The following FBF1 variants were observed in gnomAD, a reference collection of about 807,000 sequenced individuals.
The protein encoded by FBF1 is fas-binding factor 1.
In FBF1, 119 loss-of-function variants were observed where a neutral mutation model predicts 147.2. The observed-to-expected ratio is 0.81, with a 90% CI of 0.70 to 0.94. FBF1 has a LOEUF of 0.94. FBF1 is among the 40% of genes least tolerant of loss of function. FBF1 has a pLI of 0.00. For synonymous variants in FBF1, 601 were observed against 609.0 expected (o/e 0.99, Z 0.19); for missense variants, 1,449 against 1,500.8 (o/e 0.97, Z 0.57).
rs780483273 is a variant in FBF1, at chr17:75,914,822, C to G, written c.2739G>C (p.Glu913Asp). 4 of 1,599,898 alleles carry G rather than the reference C, an allele frequency of 2.5e-6. No individual in the cohort carries two copies. The highest frequency in any genetic ancestry group is 2.3e-5 in the East Asian group (1 of 44,246). Residue 913 changes from glutamate (E) to aspartate (D), a missense_variant, in exon 25 of 30, where the codon GAG becomes GAC. Coordinates refer to ENST00000636174, the MANE Select transcript of FBF1 (RefSeq NM_001319193.2). ...EFSAQQKLSK[E>D]RAEREAERAL... ...CCCGCTCGGCCTCGCGCTCGGCCCGCTCCTTACTCAGCTTTTGCTGCGCGG... is the reference window on the plus strand; with the variant it reads ...CCCGCTCGGCCTCGCGCTCGGCCCGGTCCTTACTCAGCTTTTGCTGCGCGG...
chr17:75,910,119 G>T lies in FBF1; in HGVS notation c.*604C>A, dbSNP rs1264945558. Reference sequence around the variant, plus strand: ...TCACCCAAACTGGTTGGTCCTTCGGGCAATGCTGGGAATAGGGTGGGGGCT... The same window carrying T: ...TCACCCAAACTGGTTGGTCCTTCGGTCAATGCTGGGAATAGGGTGGGGGCT... On this transcript the variant is annotated 3_prime_UTR_variant, in exon 30 of 30. Transcript: ENST00000636174. This position sits in a 1 kb window ranked among gnomAD's most constrained non-coding sequence, Gnocchi z 4.1. 1.9e-4 allele frequency: 94 copies of T among 507,952 alleles called. No individual in the cohort carries two copies. The highest frequency in any genetic ancestry group is 9.5e-5 in the East Asian group (2 of 21,086). 31.5% of individuals were successfully genotyped at this position (507,952 alleles called of 1,614,324 possible). A position where few individuals can be genotyped will look rare whatever the true frequency, so the allele number is the denominator to read the frequency against.
Position 75,926,052 on chromosome 17 carries a change from G to C in FBF1, c.846C>G (p.Asp282Glu). 6.2e-7 allele frequency: 1 copy of C among 1,611,970 alleles called. No homozygotes were observed. Among genetic ancestry groups the C allele is most frequent in the Non-Finnish European group, 8.5e-7 (1 of 1,179,716 alleles). Residue 282 changes from aspartate to glutamate, a missense_variant, in exon 12 of 30, where the codon GAC (aspartate) becomes GAG (glutamate). By Grantham distance (45) the Asp-to-Glu change is conservative. Coordinates refer to ENST00000636174, the MANE Select transcript of FBF1 (RefSeq NM_001319193.2). The stretch of plus-strand genomic sequence containing the variant: ...TACCCTGTGGCCTCTGGTACTTCTT[G>C]TCTAGCTTGAACTCCCTGTGCTCCC... ...GTGEHREFKL[D>E]KKYQRPQDSE...
intron 10 of FBF1, 110 bp downstream of exon 10, chr17:75,926,648 C>T (rs560186576): frequency 6.6e-4 from 970 of 1,480,720 alleles, no homozygotes; most frequent in Non-Finnish European, 8.3e-4. Context: ...GGACCTTAGA[C>T]CTCTGGTCCC....
At chr17:75,914,991 G>A in intron 24 of FBF1, 26 bp downstream of exon 24, 1 of 1,612,872 alleles carries the variant, frequency 6.2e-7, no homozygotes, top group Non-Finnish European at 8.5e-7. Flanking sequence ...GCAGGGGCAG[G>A]GGCTGAGTGC....
Position 75,919,777 on chromosome 17 carries a change from G to A in FBF1, c.2029C>T (p.Gln677Ter). The part of the protein sequence containing the change: ...ELSARYLSQC[Q>*]EAEQARAELT... ...TCAGCACGGGCCTGTTCGGCCTCCT[G>A]GCACTGCGACAGATACCGAGCTGAC... Residue 677 changes from glutamine to a stop codon, truncating the protein, a stop_gained, in exon 20 of 30, where the codon CAG becomes TAG. Transcript: ENST00000636174. LOFTEE classifies it high-confidence loss of function. The surrounding 1 kb of genome is among the most constrained non-coding windows in gnomAD (Gnocchi z 5.0). 1 of 1,613,676 alleles carries A rather than the reference G, an allele frequency of 6.2e-7. No individual in the cohort carries two copies. The highest frequency in any genetic ancestry group is 8.5e-7 in the Non-Finnish European group (1 of 1,179,886).
Position 75,926,625 on chromosome 17 carries a change from A to G in FBF1, c.595+133T>C, listed in dbSNP as rs1054981842. 6.7e-5 allele frequency: 93 copies of G among 1,388,082 alleles called. 1 individual carries two copies. Among genetic ancestry groups the G allele is most frequent in the Non-Finnish European group, 7.7e-5 (80 of 1,033,498 alleles). The allele number at this position is 1,388,082 out of a possible 1,614,324, so 86.0% of individuals were successfully genotyped here. A position where few individuals can be genotyped will look rare whatever the true frequency, so the allele number is the denominator to read the frequency against. On this transcript the variant is annotated intron_variant, in intron 10 of 29. Transcript: ENST00000636174. ...ACCTTCCTATTCCTAAAGGCTGATG[A>G]TCTCTTTGTACTGGACCTTAGACCT...
In FBF1 at chr17:75,920,042, GTGC is replaced by G; in HGVS notation, c.1893_1895del (p.Gln631del). On this transcript the variant is annotated inframe_deletion, in exon 19 of 30. Coordinates refer to ENST00000636174, the MANE Select transcript of FBF1 (RefSeq NM_001319193.2). The stretch of plus-strand genomic sequence containing the variant: ...TCTCGATGAGCTCCAGGTCTGCCTG[GTGC>G]TGCTGCTGCAGACTCCCCAGCAGCA... 1 of 1,602,736 alleles carries G rather than the reference GTGC, an allele frequency of 6.2e-7. No homozygotes were observed. The highest frequency in any genetic ancestry group is 8.5e-7 in the Non-Finnish European group (1 of 1,175,098).
At position 75,928,077 on chromosome 17, in the gene FBF1, T is replaced by G; in HGVS notation, c.396A>C (p.Ala132=). 6.2e-7 allele frequency: 1 copy of G among 1,612,982 alleles called. No homozygotes were observed. Among genetic ancestry groups the G allele is most frequent in the Non-Finnish European group, 8.5e-7 (1 of 1,179,578 alleles). ...KGELPNHPKP[A]GGAIPTKKSL... ...CTTTCTCACTGGCTACTGACCCACC[T>G]GCAGGCTTGGGGTGGTTGGGCAGCT... is the stretch of plus-strand genomic sequence containing the variant. Residue 132 remains alanine, a splice_region_variant and synonymous_variant, in exon 8 of 30, where the codon GCA becomes GCC. Transcript: ENST00000636174. The surrounding 1 kb of genome is among the most constrained non-coding windows in gnomAD (Gnocchi z 4.2).
Position 75,910,727 on chromosome 17 carries a change from G to C in FBF1, c.3443C>G (p.Ala1148Gly), listed in dbSNP as rs1599478477. The change falls in exon 30 of 30, where the codon GCC (alanine) becomes GGC (glycine). Residue 1148 changes from alanine to glycine, a missense_variant. Ala to Gly is a moderately conservative substitution (Grantham distance 60). Coordinates refer to ENST00000636174, the MANE Select transcript of FBF1 (RefSeq NM_001319193.2). This position sits in a 1 kb window ranked among gnomAD's most constrained non-coding sequence, Gnocchi z 4.1. ...GGGAATCGGCTGGGGTCCCACTCAG[G>C]CTGAATGAGATGTCAAATTGTAGGA... The part of the protein sequence containing the change: ...KGSYNLTSHS[A>G] 1 of 1,607,674 alleles carries C rather than the reference G, an allele frequency of 6.2e-7. No homozygotes were observed. Among genetic ancestry groups the C allele is most frequent in the African/African-American group, 1.3e-5 (1 of 74,856 alleles).
rs779712517 is a variant in FBF1 at position 75,928,185 on chromosome 17, G to A, written c.288C>T (p.Asp96=). Reference sequence around the variant, plus strand: ...GACCTAAGATATCAGCATCCATGCCGTCCAGGTCCTAGAAAACCAGGGAGG... The same window carrying A: ...GACCTAAGATATCAGCATCCATGCCATCCAGGTCCTAGAAAACCAGGGAGG... ...QALLQAMKDL[D]GMDADILGLK... The change falls in exon 8 of 30, where the codon GAC becomes GAT. Residue 96 remains aspartate (D), a synonymous_variant. Coordinates refer to ENST00000636174, the MANE Select transcript of FBF1 (RefSeq NM_001319193.2). This position sits in a 1 kb window ranked among gnomAD's most constrained non-coding sequence, Gnocchi z 4.2. 1.2e-5 allele frequency: 19 copies of A among 1,613,616 alleles called. No homozygotes were observed. The highest frequency in any genetic ancestry group is 6.7e-5 in the East Asian group (3 of 44,890).
At chr17:75,929,947 C>CCG in intron 7 of FBF1, 50 bp downstream of exon 7, 1 of 382,500 alleles carries the variant, frequency 2.6e-6, no homozygotes. Flanking sequence ...ATATCATGAC[C>CCG]CCACCCCACC....
chr17:75,914,705 G>T, intron 25 of FBF1, 42 bp downstream of exon 25: 1 of 1,482,344 alleles, frequency 6.7e-7, no homozygotes, highest in South Asian at 1.3e-5. Context: ...AGGGGCGCAG[G>T]CAACCCTGGG....
At chr17:75,913,553 A>G in intron 28 of FBF1, 149 bp downstream of exon 28, 1 of 547,614 alleles carries the variant, frequency 1.8e-6, no homozygotes, top group African/African-American at 1.9e-5. Flanking sequence ...TCTAAAATTA[A>G]CACACATTAT....
rs527955514 is a variant in FBF1, at chr17:75,916,862, T to A, written c.2505+870A>T. 2.3e-4 allele frequency among the ~76,000 whole-genome samples: 35 copies of A among 152,336 alleles called. 1 individual carries two copies. Among genetic ancestry groups the A allele is most frequent in the Middle Eastern group, 3.4e-3 (1 of 292 alleles). ...AAAATTTAAATGTTTTTATTATTTATTTTTTTGAGACAGAGTCTCGCTCTG... is the reference window on the plus strand; with the variant it reads ...AAAATTTAAATGTTTTTATTATTTAATTTTTTGAGACAGAGTCTCGCTCTG... On this transcript the variant is annotated intron_variant, in intron 23 of 29. Coordinates refer to ENST00000636174, the MANE Select transcript of FBF1 (RefSeq NM_001319193.2).
At chr17:75,938,579 A>G (rs2065639657) in intron 1 of FBF1, among the ~76,000 whole-genome samples, 1 of 139,554 alleles carries the variant, frequency 7.2e-6, no homozygotes, top group Admixed American at 7.1e-5. Flanking sequence ...AAAAAAAAAG[A>G]GACCGGGCGC....
intron 3 of FBF1, 118 bp downstream of exon 3, chr17:75,937,448 G>A: frequency 8.8e-7 from 1 of 1,132,316 alleles, no homozygotes; most frequent in East Asian, 2.5e-5. Flanking sequence ...GGGATTACAG[G>A]TGTGAGCCAC....
Position 75,918,937 on chromosome 17 carries a change from G to A in FBF1, c.2139-668C>T, listed in dbSNP as rs1238830012. Among the ~76,000 whole-genome samples the A allele has an allele frequency of 6.6e-6, 1 of 151,480 alleles. No homozygotes were observed. The highest frequency in any genetic ancestry group is 1.5e-5 in the Non-Finnish European group (1 of 67,880). On this transcript the variant is annotated intron_variant, in intron 20 of 29. Transcript: ENST00000636174. This position sits in a 1 kb window ranked among gnomAD's most constrained non-coding sequence, Gnocchi z 5.8. ...GTTTTTTAAATGTTTTTAGAGACAGGGTTTTGTTCTGTGGTCCAGGCTGGA... is the reference window on the plus strand; with the variant it reads ...GTTTTTTAAATGTTTTTAGAGACAGAGTTTTGTTCTGTGGTCCAGGCTGGA...
At chr17:75,938,864 C>CA (rs11461635) in intron 1 of FBF1, among the ~76,000 whole-genome samples, 33,033 of 135,570 alleles carry the variant, frequency 0.24, 3,774 homozygotes, top group African/African-American at 0.29. Context: ...GACTCCATCT[C>CA]AAAAAAAAAA....
At chr17:75,930,653 G>A (rs1231130429) in intron 6 of FBF1, among the ~76,000 whole-genome samples, 1 of 152,148 alleles carries the variant, frequency 6.6e-6, no homozygotes, top group African/African-American at 2.4e-5. Flanking sequence ...GGCTGGGCAC[G>A]GTGGGTCAGC....
Sources: gnomAD v4.1 joint callset for allele counts (sites outside exome capture counted in the v4.1 genomes callset) on GRCh38, gnomAD v4.1.1 for gene constraint, Gnocchi (gnomAD v3.1) non-coding constraint, MANE v1.5 for transcripts, NCBI Gene and HGNC (gene_info 2026-07-23, HGNC 2026-07-21) for gene names.